CHL1: variants seen among roughly 807,000 people sequenced by gnomAD.
CHL1 encodes the protein neural cell adhesion molecule L1-like protein.
CHL1 carries 96 observed loss-of-function variants against 141.9 expected under a neutral mutation model. The ratio of observed to expected loss-of-function variants is 0.68; its 90% confidence interval spans 0.57 to 0.80. The LOEUF is 0.80. Ranked by LOEUF, CHL1 falls within the 30% of genes least tolerant of loss-of-function variation. CHL1 has a pLI of 0.00. For missense variants in CHL1, 1,820 were observed against 1,457.2 expected, an observed-to-expected ratio of 1.25 and a Z score of -4.05; for synonymous variants, 613 against 502.2, an observed-to-expected ratio of 1.22 and a Z score of -2.95.
Position 228,653 on chromosome 3 carries a change from C to T in CHL1, c.-174-15960C>T, listed in dbSNP as rs114354357. The stretch of plus-strand genomic sequence containing the variant: ...CATGGTATAGAGTGTGTTATCGCAG[C>T]AATTTTATAATGGCTCATTAACCCC... On this transcript the variant is annotated intron_variant, in intron 1 of 27. Transcript: ENST00000256509. Among the ~76,000 whole-genome samples, 320 of 152,212 alleles carry T rather than the reference C, an allele frequency of 2.1e-3. 1 individual carries two copies. Among genetic ancestry groups the T allele is most frequent in the African/African-American group, 7.1e-3 (294 of 41,530 alleles).
intron 27 of CHL1, among the ~76,000 whole-genome samples, chr3:403,003 CCTCTCATGAGGT>C (rs1385070286): frequency 2.0e-5 from 3 of 152,126 alleles, no homozygotes; most frequent in African/African-American, 7.2e-5. Flanking sequence ...TGGCTCAGGA[CCTCTCATGAGGT>C]TGCAGCAAGG....
chr3:358,764 C>G (rs1197259394), intron 11 of CHL1, among the ~76,000 whole-genome samples: 19 of 151,300 alleles, frequency 1.3e-4, no homozygotes, highest in Non-Finnish European at 2.8e-4. Context: ...TCTTTTATTT[C>G]AATATGTAGT....
At chr3:349,980 C>T (rs1282332486) in intron 10 of CHL1, among the ~76,000 whole-genome samples, 1 of 87,976 alleles carries the variant, frequency 1.1e-5, no homozygotes, top group Middle Eastern at 4.9e-3. Context: ...CTCTCCGTAC[C>T]TCAGGCTCTT....
At chr3:337,097 G>C (rs577101127) in intron 5 of CHL1, among the ~76,000 whole-genome samples, 20 of 152,108 alleles carry the variant, frequency 1.3e-4, no homozygotes, top group Non-Finnish European at 2.6e-4. Flanking sequence ...TTGCTTTGCT[G>C]ATGCAAATGG....
intron 2 of CHL1, among the ~76,000 whole-genome samples, chr3:269,645 C>G (rs771952918): frequency 1.3e-5 from 2 of 152,196 alleles, no homozygotes; most frequent in Non-Finnish European, 2.9e-5. Context: ...CCTGCCTCAG[C>G]CTCCCAAGTA....
At chr3:374,752 C>T (rs1191018253) in intron 15 of CHL1, among the ~76,000 whole-genome samples, 1 of 152,136 alleles carries the variant, frequency 6.6e-6, no homozygotes, top group East Asian at 1.9e-4. Flanking sequence ...CTGCCAAGGG[C>T]ATGCACGGTG....
intron 1 of CHL1, among the ~76,000 whole-genome samples, chr3:209,240 T>C (rs142291502): frequency 1.9e-4 from 29 of 152,360 alleles, no homozygotes; most frequent in African/African-American, 6.7e-4. Context: ...TGCATAATTA[T>C]ATTATTTCAG....
At chr3:261,835 A>T (rs553174860) in intron 2 of CHL1, among the ~76,000 whole-genome samples, 1 of 152,148 alleles carries the variant, frequency 6.6e-6, no homozygotes, top group Non-Finnish European at 1.5e-5. Context: ...TCAATGTTTT[A>T]CTGGAAAGAA....
intron 2 of CHL1, among the ~76,000 whole-genome samples, chr3:317,564 G>T (rs1700236830): frequency 6.6e-6 from 1 of 150,994 alleles, no homozygotes; most frequent in Non-Finnish European, 1.5e-5. Context: ...GAAAACTAAT[G>T]GAACCGAGTA....
chr3:240,992 G>A (rs746487269), intron 1 of CHL1, among the ~76,000 whole-genome samples: 5 of 152,134 alleles, frequency 3.3e-5, no homozygotes, highest in Non-Finnish European at 7.4e-5. Flanking sequence ...CTGTTTTGGT[G>A]ATTATGGCCT....
intron 27 of CHL1, among the ~76,000 whole-genome samples, chr3:402,787 A>T (rs34197143): frequency 6.6e-6 from 1 of 152,202 alleles, no homozygotes; most frequent in Non-Finnish European, 1.5e-5. Context: ...AGAATAAAGA[A>T]CAATAAAGAG....
rs999153443 is a variant in CHL1 at position 398,118 on chromosome 3, G to C, written c.3095-109G>C. 1.0e-5 allele frequency: 6 copies of C among 593,806 alleles called. No homozygotes were observed. In the African/African-American group the frequency reaches 1.1e-4, roughly 11 times the overall value. The allele number at this position is 593,806 out of a possible 1,614,324, so 36.8% of individuals were successfully genotyped here. A position where few individuals can be genotyped will look rare whatever the true frequency, so the allele number is the denominator to read the frequency against. On this transcript the variant is annotated intron_variant, in intron 24 of 27. Coordinates refer to ENST00000256509, the MANE Select transcript of CHL1 (RefSeq NM_006614.4). Reference sequence around the variant, plus strand: ...TCCTGGTAATTCAAAAACTATCTGAGAAAATATGGTATAAGTGACTTTCTT... The same window carrying C: ...TCCTGGTAATTCAAAAACTATCTGACAAAATATGGTATAAGTGACTTTCTT...
chr3:300,988 A>AT (rs1698677742), intron 2 of CHL1, among the ~76,000 whole-genome samples: 1 of 152,116 alleles, frequency 6.6e-6, no homozygotes, highest in Non-Finnish European at 1.5e-5. Context: ...GGGAAGAGAG[A>AT]TGAGAGATGT....
At chr3:228,421 AG>A in intron 1 of CHL1, among the ~76,000 whole-genome samples, 1 of 152,074 alleles carries the variant, frequency 6.6e-6, no homozygotes, top group Non-Finnish European at 1.5e-5. Flanking sequence ...TAAGTGTTCA[AG>A]GGGATCCCTG....
At position 407,370 on chromosome 3, in the gene CHL1, C is replaced by G. The variant is rs1371307899; in HGVS notation, c.*1659C>G. Reference sequence around the variant, plus strand: ...AATGCACATGGAATATCTACTTGTCCTTTTGAACCTCACGAGTCATCCAGA... The same window carrying G: ...AATGCACATGGAATATCTACTTGTCGTTTTGAACCTCACGAGTCATCCAGA... On this transcript the variant is annotated 3_prime_UTR_variant, in exon 28 of 28. Coordinates refer to ENST00000256509, the MANE Select transcript of CHL1 (RefSeq NM_006614.4). 1.3e-5 allele frequency: 2 copies of G among 152,028 alleles called. No individual in the cohort carries two copies. The highest frequency in any genetic ancestry group is 4.8e-5 in the African/African-American group (2 of 41,408). The allele number at this position is 152,028 out of a possible 1,614,324, so 9.4% of individuals were successfully genotyped here. A position where few individuals can be genotyped will look rare whatever the true frequency, so the allele number is the denominator to read the frequency against.
At chr3:204,251 A>G (rs904303095) in intron 1 of CHL1, among the ~76,000 whole-genome samples, 1 of 152,206 alleles carries the variant, frequency 6.6e-6, no homozygotes, top group Non-Finnish European at 1.5e-5. Flanking sequence ...GTTCCTCCCT[A>G]ACAAAAGCTT....
intron 4 of CHL1, among the ~76,000 whole-genome samples, chr3:326,741 G>C (rs907901450): frequency 6.6e-6 from 1 of 151,630 alleles, no homozygotes; most frequent in Non-Finnish European, 1.5e-5. Flanking sequence ...AAAACTCTAC[G>C]TGATTCTAAA....
At chr3:372,957 C>G (rs1193282457) in intron 15 of CHL1, among the ~76,000 whole-genome samples, 1 of 152,130 alleles carries the variant, frequency 6.6e-6, no homozygotes, top group Non-Finnish European at 1.5e-5. Context: ...GGCTGGAGAA[C>G]AGCCAAGATG....
chr3:216,201 A>G (rs1700305930), intron 1 of CHL1, among the ~76,000 whole-genome samples: 1 of 152,232 alleles, frequency 6.6e-6, no homozygotes, highest in South Asian at 2.1e-4. Flanking sequence ...CACAATTTTA[A>G]ATTGAAGTGC....
Sources: allele counts gnomAD v4.1 joint callset (sites outside exome capture counted in the v4.1 genomes callset), GRCh38; gene constraint gnomAD v4.1.1; transcripts MANE v1.5; gene names NCBI Gene and HGNC (gene_info 2026-07-23, HGNC 2026-07-21).